Variants in GPC5 observed in about 807,000 individuals in gnomAD.
The protein encoded by GPC5 is glypican-5.
A neutral mutation model predicts 53.9 loss-of-function variants in GPC5; 47 were observed. The observed-to-expected ratio is 0.87, with a 90% confidence interval of 0.69 to 1.11. The LOEUF (loss-of-function observed/expected upper bound fraction) is 1.11, where lower values mean the gene tolerates loss of function less well. Ranked by LOEUF, GPC5 falls within the 50% of genes most tolerant of loss-of-function variation. The probability of loss-of-function intolerance (pLI) is 0.00; values close to 1 mark genes in which losing one functional copy is unlikely to be tolerated. For missense variants in GPC5, 748 were observed against 713.1 expected, an observed-to-expected ratio of 1.05 and a Z score of -0.56; for synonymous variants, 286 against 263.3, an observed-to-expected ratio of 1.09 and a Z score of -0.84.
chr13:91,432,489 A>G (rs1036117088), intron 1 of GPC5, among the ~76,000 whole-genome samples: 2 of 152,132 alleles, frequency 1.3e-5, no homozygotes, highest in African/African-American at 4.8e-5. Context: ...ACTGTACTCA[A>G]TCTGTTGAAG....
chr13:92,107,495 C>T (rs1362065403), intron 6 of GPC5, among the ~76,000 whole-genome samples: 1 of 151,882 alleles, frequency 6.6e-6, no homozygotes, highest in Non-Finnish European at 1.5e-5. Context: ...AATGTAAGGC[C>T]ACTTTTTAAA....
chr13:91,971,022 AAT>A (rs978483928), intron 6 of GPC5, among the ~76,000 whole-genome samples: 12 of 152,122 alleles, frequency 7.9e-5, no homozygotes, highest in Non-Finnish European at 1.6e-4. Flanking sequence ...TATTGATTGG[AAT>A]AGTTTCAGAA....
At chr13:92,822,088 CTCT>C (rs1877693224) in intron 7 of GPC5, among the ~76,000 whole-genome samples, 1 of 152,072 alleles carries the variant, frequency 6.6e-6, no homozygotes, top group Non-Finnish European at 1.5e-5. Context: ...ATTATTTAGC[CTCT>C]TGTTATTTTT....
chr13:92,521,697 C>A (rs1314358959), intron 7 of GPC5, among the ~76,000 whole-genome samples: 3 of 152,052 alleles, frequency 2.0e-5, no homozygotes, highest in African/African-American at 4.8e-5. Flanking sequence ...TAGGCAATAC[C>A]ATTCAGGACA....
intron 7 of GPC5, chr13:92,448,216 T>C (rs149001699): frequency 6.6e-6 from 1 of 152,274 alleles, no homozygotes; most frequent in Non-Finnish European, 1.5e-5. Flanking sequence ...ATTTATTCTA[T>C]AACAGTTTTA....
rs1875044091 is a variant in GPC5, at chr13:92,759,048, C to A, written c.1562-107234C>A. ...GCTGTCATGAAATAATATTAGTTGA[C>A]CATGTATGTTTGGACTATTTCCGGA... is the stretch of plus-strand genomic sequence containing the variant. On this transcript the variant is annotated intron_variant, in intron 7 of 7. Transcript: ENST00000377067. Among the ~76,000 whole-genome samples the A allele has an allele frequency of 2.6e-5, 3 of 115,198 alleles. No individual in the cohort carries two copies. In the South Asian group the frequency reaches 9.2e-4, roughly 35 times the overall value. 75.6% of individuals were successfully genotyped at this position (115,198 alleles called of 152,430 possible). A position where few individuals can be genotyped will look rare whatever the true frequency, so the allele number is the denominator to read the frequency against.
At chr13:92,512,534 T>C (rs1880612182) in intron 7 of GPC5, among the ~76,000 whole-genome samples, 1 of 62,098 alleles carries the variant, frequency 1.6e-5, no homozygotes, top group South Asian at 5.2e-4. Context: ...CTGTAGGCTT[T>C]TTCAGAAAGT....
At chr13:92,750,349 A>G (rs534250073) in intron 7 of GPC5, among the ~76,000 whole-genome samples, 7 of 152,290 alleles carry the variant, frequency 4.6e-5, no homozygotes, top group Admixed American at 3.9e-4. Flanking sequence ...TGTAAATTTC[A>G]TTATATATAA....
Position 91,674,476 on chromosome 13 carries a change from C to G in GPC5, c.326-18711C>G, listed in dbSNP as rs1310317055. On this transcript the variant is annotated intron_variant, in intron 2 of 7. Coordinates refer to ENST00000377067, the MANE Select transcript of GPC5 (RefSeq NM_004466.6). The stretch of plus-strand genomic sequence containing the variant: ...ACACACACACACGCACATATACACA[C>G]ACACGCGCATGTGTATATATGCATA... 2.0e-5 allele frequency among the ~76,000 whole-genome samples: 3 copies of G among 150,264 alleles called. 1 individual carries two copies. Among genetic ancestry groups the G allele is most frequent in the Admixed American group, 6.7e-5 (1 of 15,020 alleles).
intron 5 of GPC5, among the ~76,000 whole-genome samples, chr13:91,902,603 A>G (rs945438127): frequency 6.6e-6 from 1 of 152,054 alleles, no homozygotes; most frequent in Non-Finnish European, 1.5e-5. Flanking sequence ...AATGTGAACA[A>G]TATTTCAAGT....
intron 2 of GPC5, among the ~76,000 whole-genome samples, chr13:91,512,570 G>A (rs909453780): frequency 2.0e-5 from 3 of 152,158 alleles, no homozygotes; most frequent in African/African-American, 7.2e-5. Context: ...CCTCGAGGTG[G>A]GTCACTTTCA....
chr13:91,899,830 A>G (rs1267707621), intron 5 of GPC5, among the ~76,000 whole-genome samples: 4 of 152,162 alleles, frequency 2.6e-5, no homozygotes, highest in African/African-American at 9.6e-5. Context: ...GAGGGTCTTC[A>G]GAGGGAGTAT....
intron 2 of GPC5, among the ~76,000 whole-genome samples, chr13:91,498,237 A>AG (rs1566452034): frequency 2.7e-5 from 3 of 110,544 alleles, no homozygotes; most frequent in Non-Finnish European, 3.5e-5. Flanking sequence ...CTCTACCCAA[A>AG]GATTTTTTTT....
intron 6 of GPC5, among the ~76,000 whole-genome samples, chr13:92,135,604 C>A (rs2041777978): frequency 6.6e-6 from 1 of 152,138 alleles, no homozygotes; most frequent in African/African-American, 2.4e-5. Flanking sequence ...GAACAAATAA[C>A]CTCTGGGCAG....
intron 7 of GPC5, among the ~76,000 whole-genome samples, chr13:92,544,900 GATTTT>G (rs918392533): frequency 1.1e-4 from 16 of 151,656 alleles, no homozygotes; most frequent in African/African-American, 3.9e-4. Flanking sequence ...AGAGTTAAGA[GATTTT>G]ATTTTATTTT....
At chr13:92,785,503 A>G (rs1645048249) in intron 7 of GPC5, among the ~76,000 whole-genome samples, 1 of 152,186 alleles carries the variant, frequency 6.6e-6, no homozygotes, top group Admixed American at 6.5e-5. Flanking sequence ...AAGAGAAAGA[A>G]AAGAGGCCAT....
intron 7 of GPC5, among the ~76,000 whole-genome samples, chr13:92,617,240 A>G (rs1464699604): frequency 1.3e-5 from 2 of 152,160 alleles, no homozygotes; most frequent in Admixed American, 6.5e-5. Flanking sequence ...AACGTCTTCT[A>G]CCTGATCCCC....
chr13:91,750,741 C>T (rs969035936), intron 4 of GPC5, among the ~76,000 whole-genome samples: 11 of 128,382 alleles, frequency 8.6e-5, no homozygotes, highest in East Asian at 4.8e-4. Context: ...AGTGCAATGG[C>T]GCCATCTTGG....
chr13:92,405,112 G>A (rs1048378155), intron 7 of GPC5, among the ~76,000 whole-genome samples: 10 of 131,588 alleles, frequency 7.6e-5, no homozygotes, highest in Admixed American at 1.6e-4. Context: ...ATTTAAGAAA[G>A]AATAATAAAA....
Sources: gnomAD v4.1 joint callset for allele counts (sites outside exome capture counted in the v4.1 genomes callset) on GRCh38, gnomAD v4.1.1 for gene constraint, MANE v1.5 for transcripts, NCBI Gene and HGNC (gene_info 2026-07-23, HGNC 2026-07-21) for gene names.